The following MCTP2 variants were observed in gnomAD, a reference collection of about 807,000 sequenced individuals.
MCTP2 encodes multiple C2 and transmembrane domain containing 2, also known as multiple C2 and transmembrane domain-containing protein 2.
In MCTP2, 132 loss-of-function variants were observed where a neutral mutation model predicts 111.6. The observed-to-expected ratio is 1.18, with a 90% CI of 1.03 to 1.37. The LOEUF is 1.37. MCTP2 is among the 40% of genes most tolerant of loss of function. The pLI is 0.00. For synonymous variants in MCTP2, 395 were observed against 387.7 expected, an observed-to-expected ratio of 1.02 and a Z score of -0.22; for missense variants, 1,183 against 1,067.9, an observed-to-expected ratio of 1.11 and a Z score of -1.50.
At chr15:94,339,982 C>G (rs191037906) in intron 5 of MCTP2, among the ~76,000 whole-genome samples, 1 of 152,248 alleles carries the variant, frequency 6.6e-6, no homozygotes, top group East Asian at 1.9e-4. Context: ...GAAATTGTTG[C>G]TGTTATTTTG....
chr15:94,406,864 T>TG (rs1430047922), intron 17 of MCTP2, among the ~76,000 whole-genome samples: 1 of 151,386 alleles, frequency 6.6e-6, no homozygotes, highest in African/African-American at 2.4e-5. Flanking sequence ...AGTTGTTTTT[T>TG]TTTTTTTTTT....
intron 1 of MCTP2, among the ~76,000 whole-genome samples, chr15:94,297,865 C>T (rs960534688): frequency 3.3e-5 from 5 of 152,060 alleles, no homozygotes; most frequent in Middle Eastern, 3.4e-3. Flanking sequence ...TTGGTGTTCT[C>T]GTGAATGTCT....
chr15:94,390,053 T>C (rs2080787420), intron 14 of MCTP2, among the ~76,000 whole-genome samples: 1 of 6,348 alleles, frequency 1.6e-4, no homozygotes, highest in Non-Finnish European at 9.5e-4. Flanking sequence ...TCAAGGCATA[T>C]ATATATATAT....
chr15:94,243,926 C>CAT (rs61728778), intron 1 of MCTP2, among the ~76,000 whole-genome samples: 2 of 141,370 alleles, frequency 1.4e-5, no homozygotes, highest in Admixed American at 7.0e-5. Context: ...TATATTTACA[C>CAT]ATATGTGTAC....
chr15:94,468,143 A>G (rs950731054), intron 20 of MCTP2, among the ~76,000 whole-genome samples: 1 of 152,250 alleles, frequency 6.6e-6, no homozygotes, highest in Non-Finnish European at 1.5e-5. Flanking sequence ...TTTTTCTACT[A>G]TCCAAACTGA....
chr15:94,451,844 C>T (rs2084480966), intron 19 of MCTP2, among the ~76,000 whole-genome samples: 1 of 152,154 alleles, frequency 6.6e-6, no homozygotes, highest in Non-Finnish European at 1.5e-5. Context: ...AAATTAACCC[C>T]AGTATTCTTT....
chr15:94,243,856 TAC>T (rs1416306846), intron 1 of MCTP2, among the ~76,000 whole-genome samples: 24 of 148,314 alleles, frequency 1.6e-4, no homozygotes, highest in African/African-American at 5.4e-4. Flanking sequence ...CATATATGTA[TAC>T]ACATACATAT....
intron 20 of MCTP2, among the ~76,000 whole-genome samples, chr15:94,469,475 C>T (rs1028691058): frequency 6.6e-6 from 1 of 152,238 alleles, no homozygotes; most frequent in Middle Eastern, 3.4e-3. Context: ...CAAATGCTTC[C>T]CCATTTATTT....
chr15:94,392,061 A>G (rs557931767), intron 14 of MCTP2, among the ~76,000 whole-genome samples: 2 of 152,170 alleles, frequency 1.3e-5, no homozygotes, highest in Middle Eastern at 3.2e-3. Context: ...GGTAAAAAAA[A>G]GATTGAATTA....
At chr15:94,330,389 G>A (rs1340922798) in intron 4 of MCTP2, among the ~76,000 whole-genome samples, 1 of 152,094 alleles carries the variant, frequency 6.6e-6, no homozygotes, top group East Asian at 1.9e-4. Context: ...AATCATGTAT[G>A]CTTTGGTAAT....
chr15:94,365,606 A>T (rs539476197), intron 10 of MCTP2, among the ~76,000 whole-genome samples: 104 of 152,350 alleles, frequency 6.8e-4, no homozygotes, highest in African/African-American at 2.3e-3. Flanking sequence ...TACTGCTCAC[A>T]GCGTTACTAG....
intron 8 of MCTP2, among the ~76,000 whole-genome samples, chr15:94,352,964 T>C (rs1257378104): frequency 6.6e-6 from 1 of 152,226 alleles, no homozygotes; most frequent in African/African-American, 2.4e-5. Flanking sequence ...CATGTGTGGA[T>C]CACAGATGAA....
At chr15:94,309,948 G>A (rs2076051758) in intron 2 of MCTP2, among the ~76,000 whole-genome samples, 1 of 152,184 alleles carries the variant, frequency 6.6e-6, no homozygotes, top group African/African-American at 2.4e-5. Flanking sequence ...TGTTAATGCT[G>A]TGTTTCTGAA....
chr15:94,470,236 A>G, intron 20 of MCTP2, 97 bp from the exon 21 acceptor site: 1 of 963,676 alleles, frequency 1.0e-6, no homozygotes, highest in Non-Finnish European at 1.6e-6. Flanking sequence ...TGTAAAAAAA[A>G]TTTCTATAAT....
intron 4 of MCTP2, among the ~76,000 whole-genome samples, chr15:94,335,811 T>C (rs1249018571): frequency 3.9e-5 from 6 of 152,262 alleles, no homozygotes; most frequent in Non-Finnish European, 1.5e-5. Context: ...CTCCAAGGAA[T>C]GTTAATTGTG....
intron 4 of MCTP2, among the ~76,000 whole-genome samples, chr15:94,335,696 A>G (rs536632641): frequency 5.3e-4 from 80 of 152,378 alleles, no homozygotes; most frequent in African/African-American, 1.7e-3. Flanking sequence ...AGATATTAAT[A>G]TCCATTATTT....
chr15:94,307,503 G>A (rs1261809326), intron 2 of MCTP2, among the ~76,000 whole-genome samples: 2 of 152,136 alleles, frequency 1.3e-5, no homozygotes, highest in African/African-American at 2.4e-5. Flanking sequence ...GCAGTGAGGC[G>A]GCAATGGGAG....
intron 1 of MCTP2, among the ~76,000 whole-genome samples, chr15:94,296,024 T>G (rs1185571611): frequency 6.6e-6 from 1 of 152,222 alleles, no homozygotes; most frequent in Admixed American, 6.5e-5. Flanking sequence ...ATGATACATT[T>G]TTTCAAGACT....
At chr15:94,459,982 A>G (rs1048399301) in intron 20 of MCTP2, among the ~76,000 whole-genome samples, 1 of 152,248 alleles carries the variant, frequency 6.6e-6, no homozygotes, top group Admixed American at 6.5e-5. Flanking sequence ...ACTGAATCAC[A>G]GAGTGATTAA....
Sources: gnomAD v4.1 joint callset for allele counts (sites outside exome capture counted in the v4.1 genomes callset) on GRCh38, gnomAD v4.1.1 for gene constraint, MANE v1.5 for transcripts, NCBI Gene and HGNC (gene_info 2026-07-23, HGNC 2026-07-21) for gene names.